Variants in YEATS2 observed in about 807,000 individuals in gnomAD.
The protein encoded by YEATS2 is YEATS domain containing 2, also known as YEATS domain-containing protein 2.
YEATS2 carries 77 observed loss-of-function variants against 163.2 expected under a neutral mutation model. That is an observed-to-expected ratio of 0.47 (90% CI 0.39 to 0.57). The LOEUF (loss-of-function observed/expected upper bound fraction) is 0.57. Among genes scored for constraint, YEATS2 ranks in the 20% least tolerant of loss-of-function variants. YEATS2 has a pLI of 0.00. For synonymous variants in YEATS2, 631 were observed against 645.1 expected (o/e 0.98, Z 0.33); for missense variants, 1,549 against 1,729.8 (o/e 0.90, Z 1.85).
intron 19 of YEATS2, among the ~76,000 whole-genome samples, chr3:183,781,915 A>T (rs945587217): frequency 1.1e-4 from 16 of 149,044 alleles, no homozygotes; most frequent in South Asian, 2.1e-4. Context: ...AAAAAAAAAA[A>T]TTTTTTTTTT....
intron 9 of YEATS2, among the ~76,000 whole-genome samples, chr3:183,747,935 A>G (rs1719731297): frequency 6.6e-6 from 1 of 151,796 alleles, no homozygotes; most frequent in Non-Finnish European, 1.5e-5. Flanking sequence ...ACGCACCACC[A>G]TGCCTGGCTA....
In YEATS2 at chr3:183,715,154, A is replaced by C. The variant is rs756125041; in HGVS notation, c.-9A>C. On this transcript the variant is annotated 5_prime_UTR_variant, in exon 2 of 31. Transcript: ENST00000305135. ...ATCATTGCTTCACAGTGAAGAACTG[A>C]ATGTCATCATGTCTGGAATCAAGCG... 1 of 1,599,030 alleles carries C rather than the reference A, an allele frequency of 6.3e-7. No individual in the cohort carries two copies. Among genetic ancestry groups the C allele is most frequent in the South Asian group, 1.1e-5 (1 of 90,258 alleles).
chr3:183,800,153 CAT>C (rs1042100543), intron 23 of YEATS2, among the ~76,000 whole-genome samples: 30 of 152,272 alleles, frequency 2.0e-4, no homozygotes, highest in East Asian at 9.7e-4. Flanking sequence ...TGTTAAATCA[CAT>C]GTGTGGGGAG....
chr3:183,721,897 A>G lies in YEATS2; in HGVS notation c.298A>G (p.Lys100Glu), dbSNP rs1465233121. 6.2e-7 allele frequency: 1 copy of G among 1,613,978 alleles called. No individual in the cohort carries two copies. The highest frequency in any genetic ancestry group is 1.7e-5 in the Admixed American group (1 of 59,986). ...TTGCTTTCATTTTTTGTAGGGATCA[A>G]AGACATGTGATACAATGGTTTTTAA... ...AGLLKVSEGS[K>E]TCDTMVFNHP... Residue 100 changes from lysine to glutamate, a missense_variant, in exon 5 of 31, where the codon AAG becomes GAG. By Grantham distance (56) the Lys-to-Glu change is moderately conservative. Coordinates refer to ENST00000305135, the MANE Select transcript of YEATS2 (RefSeq NM_018023.5).
chr3:183,732,415 T>G (rs553442379), intron 7 of YEATS2, among the ~76,000 whole-genome samples: 80 of 151,418 alleles, frequency 5.3e-4, no homozygotes, highest in African/African-American at 1.9e-3. Context: ...ATCATGCCAC[T>G]GCACTCCAGC....
intron 27 of YEATS2, 83 bp from the exon 28 acceptor site, chr3:183,806,783 C>T (rs1226742452): frequency 6.9e-7 from 1 of 1,445,850 alleles, no homozygotes; most frequent in Admixed American, 1.9e-5. Context: ...ATCCCCCTTC[C>T]TCAGACCATG....
intron 16 of YEATS2, among the ~76,000 whole-genome samples, chr3:183,772,928 A>G (rs750344925): frequency 1.2e-4 from 18 of 152,208 alleles, no homozygotes; most frequent in Non-Finnish European, 2.6e-4. Context: ...ACCTATGTAC[A>G]TCCTCTGATG....
At chr3:183,721,648 CG>C (rs1716501718) in intron 4 of YEATS2, among the ~76,000 whole-genome samples, 1 of 152,082 alleles carries the variant, frequency 6.6e-6, no homozygotes, top group African/African-American at 2.4e-5. Context: ...CATTTACCTC[CG>C]GAAGACCCTA....
At chr3:183,748,960 T>C (rs1719858093) in intron 9 of YEATS2, among the ~76,000 whole-genome samples, 1 of 152,028 alleles carries the variant, frequency 6.6e-6, no homozygotes, top group East Asian at 1.9e-4. Context: ...TATATTTTCT[T>C]GAGACAGAGT....
chr3:183,736,692 A>T (rs1718376504), intron 7 of YEATS2, 26 bp from the exon 8 acceptor site: 1 of 1,581,962 alleles, frequency 6.3e-7, no homozygotes, highest in Non-Finnish European at 8.6e-7. Context: ...ACATGGATGA[A>T]CGTGTTAATA....
chr3:183,759,262 A>G (rs559322660), intron 13 of YEATS2, among the ~76,000 whole-genome samples: 1 of 152,062 alleles, frequency 6.6e-6, no homozygotes, highest in Non-Finnish European at 1.5e-5. Context: ...AGACTTTACT[A>G]CCCCCAGACT....
Position 183,773,673 on chromosome 3 carries a change from C to T in YEATS2, c.2247C>T (p.Asn749=), listed in dbSNP as rs1290393538. ...AGCTACCAGCCACTAATTTGGCCAA[C>T]TTGGCAAATTTGCCTCCTGGCACTA... ...TLQLPATNLA[N]LANLPPGTKL... Residue 749 remains asparagine, a synonymous_variant, in exon 17 of 31, where the codon AAC becomes AAT. Coordinates refer to ENST00000305135, the MANE Select transcript of YEATS2 (RefSeq NM_018023.5). The T allele has an allele frequency of 1.2e-6, 2 of 1,611,670 alleles. No individual in the cohort carries two copies. Among genetic ancestry groups the T allele is most frequent in the African/African-American group, 1.3e-5 (1 of 74,920 alleles).
At chr3:183,764,448 GAATT>G (rs1246056490) in intron 15 of YEATS2, among the ~76,000 whole-genome samples, 1 of 146,440 alleles carries the variant, frequency 6.8e-6, no homozygotes, top group Non-Finnish European at 1.5e-5. Flanking sequence ...TAAGGAGAAT[GAATT>G]GTTTTAAGAA....
chr3:183,701,053 G>A (rs1165710635), intron 1 of YEATS2, among the ~76,000 whole-genome samples: 3 of 139,352 alleles, frequency 2.2e-5, no homozygotes, highest in East Asian at 2.0e-4. Context: ...ATATATATAT[G>A]TGTGTGTGTG....
At chr3:183,714,319 C>T (rs928201917) in intron 1 of YEATS2, among the ~76,000 whole-genome samples, 3 of 151,750 alleles carry the variant, frequency 2.0e-5, no homozygotes, top group Middle Eastern at 3.4e-3. Context: ...CCTCAATCTC[C>T]CGAGTAGCTG....
Position 183,809,119 on chromosome 3 carries a change from A to G in YEATS2, c.4109A>G (p.Asp1370Gly), listed in dbSNP as rs770107825. 17 of 1,614,064 alleles carry G rather than the reference A, an allele frequency of 1.1e-5. No individual in the cohort carries two copies. The Admixed American group carries it at 2.8e-4, about 27-fold the overall frequency. The change falls in exon 30 of 31, where the codon GAT (aspartate) becomes GGT (glycine). Residue 1370 changes from aspartate (D) to glycine (G), a missense_variant. Physicochemically the swap from Asp to Gly is moderately conservative, Grantham distance 94. Coordinates refer to ENST00000305135, the MANE Select transcript of YEATS2 (RefSeq NM_018023.5). ...ILKATEQLVN[D>G]ILRQALAVGY... is the part of the protein sequence containing the mutation. ...TAGGCTACAGAACAGCTGGTGAATG[A>G]TATCCTGAGACAGGCTTTGGCAGTT...
At position 183,801,443 on chromosome 3, in the gene YEATS2, T is replaced by TA. The variant is rs761059432; in HGVS notation, c.3429-11dup. The TA allele has an allele frequency of 3.1e-6, 5 of 1,592,846 alleles. No homozygotes were observed. Among genetic ancestry groups the TA allele is most frequent in the African/African-American group, 2.7e-5 (2 of 74,050 alleles). ...TTAATTTATTGCCTTAATTTTTTTT[T>TA]ATCTCTCTCAGGATAGACCATTTAG... On this transcript the variant is annotated splice_polypyrimidine_tract_variant and intron_variant, in intron 24 of 30. Coordinates refer to ENST00000305135, the MANE Select transcript of YEATS2 (RefSeq NM_018023.5).
intron 8 of YEATS2, among the ~76,000 whole-genome samples, chr3:183,740,515 CAG>C (rs1484318682): frequency 1.3e-5 from 2 of 152,212 alleles, no homozygotes; most frequent in East Asian, 3.8e-4. Flanking sequence ...GAGAAAGTCT[CAG>C]TGATCTGTAT....
intron 15 of YEATS2, among the ~76,000 whole-genome samples, chr3:183,764,401 A>G (rs1364082147): frequency 6.7e-6 from 1 of 149,472 alleles, no homozygotes; most frequent in Non-Finnish European, 1.5e-5. Flanking sequence ...AAGATATCAT[A>G]TAGATGTTTT....
Sources: allele counts gnomAD v4.1 joint callset (sites outside exome capture counted in the v4.1 genomes callset), GRCh38; gene constraint gnomAD v4.1.1; transcripts MANE v1.5; gene names NCBI Gene and HGNC (gene_info 2026-07-23, HGNC 2026-07-21).